RNF2: variants seen among roughly 807,000 people sequenced by gnomAD.
The protein encoded by RNF2 is ring finger protein 2.
RNF2 carries 6 observed loss-of-function variants against 37.2 expected under a neutral mutation model. The observed-to-expected ratio is 0.16, with a 90% CI of 0.09 to 0.32. The LOEUF (loss-of-function observed/expected upper bound fraction) is 0.32. RNF2 is among the 10% of genes least tolerant of loss of function. The pLI is 1.00. For synonymous variants in RNF2, 133 were observed against 132.7 expected (o/e 1.00, Z -0.02); for missense variants, 251 against 404.0 (o/e 0.62, Z 3.25).
chr1:185,082,001 A>C lies in RNF2; in HGVS notation c.-2-5551A>C, dbSNP rs571530174. Among the ~76,000 whole-genome samples, 19 of 152,248 alleles carry C rather than the reference A, an allele frequency of 1.2e-4. No homozygotes were observed. In the South Asian group the frequency reaches 3.7e-3, roughly 30 times the overall value. ...GCTTTGGAAGTGCTTCAGTCCAACC[A>C]CTGAGCGGGTCGTCACTAGTTACCA... is the stretch of plus-strand genomic sequence containing the variant. On this transcript the variant is annotated intron_variant, in intron 1 of 6. Coordinates refer to ENST00000367510, the MANE Select transcript of RNF2 (RefSeq NM_007212.4).
At chr1:185,076,268 G>GCTTTT (rs1553240995) in intron 1 of RNF2, among the ~76,000 whole-genome samples, 1 of 27,334 alleles carries the variant, frequency 3.7e-5, no homozygotes, top group Non-Finnish European at 7.6e-5. Context: ...TTTATGGGTT[G>GCTTTT]TTTTTTTTTT....
chr1:185,056,314 G>GA (rs1003189720), intron 1 of RNF2, among the ~76,000 whole-genome samples: 42 of 149,718 alleles, frequency 2.8e-4, no homozygotes, highest in African/African-American at 9.0e-4. Flanking sequence ...GTTTGCCAGT[G>GA]AAAAAAAATT....
intron 1 of RNF2, among the ~76,000 whole-genome samples, chr1:185,073,803 A>G (rs897433033): frequency 6.6e-6 from 1 of 152,236 alleles, no homozygotes; most frequent in Admixed American, 6.5e-5. Flanking sequence ...GACACTAAAT[A>G]TGTGGTTTTT....
In RNF2 at chr1:185,046,342, A is replaced by T. The variant is rs959909037; in HGVS notation, c.-3+693A>T. On this transcript the variant is annotated intron_variant, in intron 1 of 6. Coordinates refer to ENST00000367510, the MANE Select transcript of RNF2 (RefSeq NM_007212.4). The stretch of plus-strand genomic sequence containing the variant: ...CGTGGGGGGAGGGGGTGTCTTGGTT[A>T]GTTTCTGCGGGAAGATTCGCGTTTT... 7.2e-5 allele frequency: 11 copies of T among 152,280 alleles called. No homozygotes were observed. The East Asian group carries it at 1.7e-3, about 24-fold the overall frequency. 9.4% of individuals were successfully genotyped at this position (152,280 alleles called of 1,614,324 possible). A position where few individuals can be genotyped will look rare whatever the true frequency, so the allele number is the denominator to read the frequency against.
chr1:185,070,573 G>GT (rs1363057671), intron 1 of RNF2, among the ~76,000 whole-genome samples: 2 of 151,054 alleles, frequency 1.3e-5, no homozygotes, highest in Non-Finnish European at 3.0e-5. Flanking sequence ...ATTATCCTCA[G>GT]TTTTTTTCAC....
chr1:185,065,598 C>T (rs1650776512), intron 1 of RNF2, among the ~76,000 whole-genome samples: 1 of 152,180 alleles, frequency 6.6e-6, no homozygotes, highest in African/African-American at 2.4e-5. Context: ...AGCTGTAACA[C>T]TCACTGCGAA....
chr1:185,085,516 C>T (rs1266027018), intron 1 of RNF2, among the ~76,000 whole-genome samples: 3 of 152,026 alleles, frequency 2.0e-5, no homozygotes, highest in Non-Finnish European at 2.9e-5. Flanking sequence ...TGTTTAATTG[C>T]TTTAGTTCAC....
chr1:185,095,996 TA>T (rs892312623), intron 4 of RNF2, among the ~76,000 whole-genome samples: 5 of 152,216 alleles, frequency 3.3e-5, no homozygotes, highest in African/African-American at 1.2e-4. Context: ...TAATGTTCTT[TA>T]TATGAACATA....
chr1:185,060,893 A>G (rs1650576881), intron 1 of RNF2, among the ~76,000 whole-genome samples: 1 of 152,098 alleles, frequency 6.6e-6, no homozygotes, highest in South Asian at 2.1e-4. Context: ...CTGAGGTAGG[A>G]AGATCACTTG....
At chr1:185,093,703 CCT>C (rs1651833870) in intron 4 of RNF2, among the ~76,000 whole-genome samples, 1 of 152,182 alleles carries the variant, frequency 6.6e-6, no homozygotes. Context: ...TTAATTTCTC[CCT>C]TCTCTTTGAA....
chr1:185,071,052 A>G (rs902358995), intron 1 of RNF2, among the ~76,000 whole-genome samples: 3 of 152,230 alleles, frequency 2.0e-5, no homozygotes, highest in South Asian at 2.1e-4. Flanking sequence ...AAGTAATACA[A>G]AGTGAGTATT....
At chr1:185,048,799 G>A (rs1650189038) in intron 1 of RNF2, among the ~76,000 whole-genome samples, 1 of 152,102 alleles carries the variant, frequency 6.6e-6, no homozygotes, top group Admixed American at 6.5e-5. Context: ...AATCCCTCAG[G>A]AAGGCAGAAC....
intron 1 of RNF2, among the ~76,000 whole-genome samples, chr1:185,046,842 A>C (rs1443452389): frequency 6.6e-6 from 1 of 152,196 alleles, no homozygotes; most frequent in Non-Finnish European, 1.5e-5. Context: ...TACTTAGTCT[A>C]ATTGGTAGCT....
chr1:185,093,003 G>C (rs1651813174), intron 3 of RNF2, 58 bp from the exon 4 acceptor site: 1 of 1,484,722 alleles, frequency 6.7e-7, no homozygotes, highest in Non-Finnish European at 9.4e-7. Context: ...GGGTATTTTT[G>C]TCTTTAGCCC....
intron 4 of RNF2, among the ~76,000 whole-genome samples, chr1:185,097,038 C>G (rs1002360690): frequency 1.3e-5 from 2 of 152,006 alleles, no homozygotes; most frequent in African/African-American, 4.8e-5. Context: ...AGAATGTGGT[C>G]TGGTTCACAT....
chr1:185,054,504 C>G (rs1475465054), intron 1 of RNF2, among the ~76,000 whole-genome samples: 1 of 152,044 alleles, frequency 6.6e-6, no homozygotes, highest in Non-Finnish European at 1.5e-5. Context: ...CCCCTCCGGG[C>G]CGGCCAGACG....
chr1:185,060,570 TG>T (rs1650568736), intron 1 of RNF2, among the ~76,000 whole-genome samples: 1 of 152,200 alleles, frequency 6.6e-6, no homozygotes, highest in East Asian at 1.9e-4. Context: ...TTTATAAGAA[TG>T]TGATGAATTT....
chr1:185,083,737 C>T (rs1651497671), intron 1 of RNF2, among the ~76,000 whole-genome samples: 1 of 147,040 alleles, frequency 6.8e-6, no homozygotes, highest in Non-Finnish European at 1.5e-5. Flanking sequence ...TCCTGAGTAG[C>T]TGGGACTCCA....
intron 4 of RNF2, among the ~76,000 whole-genome samples, chr1:185,094,317 A>AT (rs1219504689): frequency 6.6e-6 from 1 of 151,292 alleles, no homozygotes; most frequent in Non-Finnish European, 1.5e-5. Context: ...TAATTTTTGT[A>AT]TTTTTTAGTA....
Sources: allele counts gnomAD v4.1 joint callset (sites outside exome capture counted in the v4.1 genomes callset), GRCh38; gene constraint gnomAD v4.1.1; transcripts MANE v1.5; gene names NCBI Gene and HGNC (gene_info 2026-07-23, HGNC 2026-07-21).